NF1: variants seen among roughly 807,000 people sequenced by gnomAD.
The protein encoded by NF1 is neurofibromin 1, also known as neurofibromin.
A neutral mutation model predicts 325.7 loss-of-function variants in NF1; 122 were observed. The observed-to-expected ratio is 0.37, with a 90% confidence interval of 0.32 to 0.44. The LOEUF is 0.44. Among genes scored for constraint, NF1 ranks in the 20% least tolerant of loss-of-function variants. The probability of loss-of-function intolerance (pLI) is 1.00; values close to 1 mark genes in which losing one functional copy is unlikely to be tolerated. For synonymous variants in NF1, 1,091 were observed against 1,186.0 expected (o/e 0.92, Z 1.65); for missense variants, 2,140 against 3,415.4 (o/e 0.63, Z 9.31).
chr17:31,360,442 A>C lies in NF1; in HGVS notation c.8161-45A>C, dbSNP rs17879551. On this transcript the variant is annotated intron_variant, in intron 56 of 57. Transcript: ENST00000358273. ...TATTTTTGGCTTCAGATGGGGATTT[A>C]CTTAAAAAAAAGGAACTAAAATAAT... is the stretch of plus-strand genomic sequence containing the variant. 1,356 of 1,546,772 alleles carry C rather than the reference A, an allele frequency of 8.8e-4. 3 individuals carry two copies. The highest frequency in any genetic ancestry group is 6.1e-3 in the Middle Eastern group (36 of 5,904).
chr17:31,182,524 A>G lies in NF1; in HGVS notation c.747A>G (p.Leu249=), dbSNP rs761964963. The G allele has an allele frequency of 9.3e-6, 15 of 1,614,086 alleles. No homozygotes were observed. The highest frequency in any genetic ancestry group is 2.2e-5 in the South Asian group (2 of 91,064). ...QTDMAECAEK[L]FDLVDGFAES... ...TTCATGCAGAATGTGCAGAAAAGCTATTTGACTTGGTGGATGGTTTTGCTG... is the reference window on the plus strand; with the variant it reads ...TTCATGCAGAATGTGCAGAAAAGCTGTTTGACTTGGTGGATGGTTTTGCTG... The change falls in exon 8 of 58, where the codon CTA becomes CTG. Residue 249 remains leucine, a synonymous_variant. Transcript: ENST00000358273.
At chr17:31,342,984 A>C in intron 47 of NF1, 25 bp from the exon 48 acceptor site, 1 of 1,613,958 alleles carries the variant, frequency 6.2e-7, no homozygotes, top group Middle Eastern at 1.6e-4. Context: ...AACCTCATCA[A>C]CCATCTCATG....
chr17:31,257,879 C>T (rs994349127), intron 31 of NF1, among the ~76,000 whole-genome samples: 2 of 151,774 alleles, frequency 1.3e-5, no homozygotes, highest in Non-Finnish European at 2.9e-5. Flanking sequence ...AACTGGTACA[C>T]AACAAAATGT....
chr17:31,141,615 G>A (rs1365502850), intron 1 of NF1, among the ~76,000 whole-genome samples: 1 of 152,090 alleles, frequency 6.6e-6, no homozygotes, highest in Non-Finnish European at 1.5e-5. Context: ...ATCTATTGCT[G>A]CAAAACACAT....
Position 31,164,268 on chromosome 17 carries a change from A to G in NF1, c.479+892A>G, listed in dbSNP as rs189957649. 5.1e-4 allele frequency among the ~76,000 whole-genome samples: 78 copies of G among 152,358 alleles called. 2 individuals are homozygous for G. Among genetic ancestry groups the G allele is most frequent in the South Asian group, 2.7e-3 (13 of 4,832 alleles). On this transcript the variant is annotated intron_variant, in intron 4 of 57. Transcript: ENST00000358273. ...TACTTCTGTTTTTAAAGATGTATCA[A>G]AAATATAATTTAAGCTTTTATTGAT...
intron 36 of NF1, among the ~76,000 whole-genome samples, chr17:31,267,775 A>G (rs1486126430): frequency 2.0e-5 from 3 of 151,882 alleles, no homozygotes; most frequent in South Asian, 2.1e-4. Flanking sequence ...CTTCAAATCA[A>G]CCTCCTCTTC....
intron 4 of NF1, among the ~76,000 whole-genome samples, chr17:31,165,880 C>T (rs955228307): frequency 2.1e-4 from 32 of 151,824 alleles, no homozygotes; most frequent in Admixed American, 2.0e-4. Context: ...TTTGTAGAGA[C>T]GGGGTCTTGC....
intron 1 of NF1, among the ~76,000 whole-genome samples, chr17:31,140,876 C>T (rs968884890): frequency 2.6e-5 from 4 of 152,100 alleles, no homozygotes; most frequent in Admixed American, 1.3e-4. Flanking sequence ...TATAATCTCA[C>T]TTATATGTGG....
chr17:31,201,631 C>T (rs1419833382), intron 11 of NF1, 146 bp downstream of exon 11: 1 of 663,112 alleles, frequency 1.5e-6, no homozygotes, highest in Non-Finnish European at 2.7e-6. Context: ...CATGGTGATT[C>T]TATTTGATAA....
chr17:31,288,861 C>G (rs1159255219), intron 36 of NF1, among the ~76,000 whole-genome samples: 1 of 152,072 alleles, frequency 6.6e-6, no homozygotes, highest in Non-Finnish European at 1.5e-5. Flanking sequence ...TAGTAGTAGC[C>G]TAGCCAAATC....
chr17:31,235,569 A>T (rs2151437591), intron 27 of NF1, 42 bp from the exon 28 acceptor site: 1 of 1,611,840 alleles, frequency 6.2e-7, no homozygotes, highest in South Asian at 1.1e-5. Flanking sequence ...TAAGAATAAA[A>T]ATGGGATTGT....
intron 1 of NF1, among the ~76,000 whole-genome samples, chr17:31,122,217 AG>A (rs1239910493): frequency 6.6e-6 from 1 of 152,178 alleles, no homozygotes; most frequent in Non-Finnish European, 1.5e-5. Context: ...ATAGGAAATT[AG>A]GGGCAACCTT....
At chr17:31,352,486 A>G in intron 51 of NF1, 72 bp downstream of exon 51, 1 of 1,383,688 alleles carries the variant, frequency 7.2e-7, no homozygotes, top group South Asian at 1.5e-5. Context: ...TTGGAAAATT[A>G]TTTGAAATTT....
At chr17:31,183,021 A>G in intron 8 of NF1, 2 of 535,570 alleles carry the variant, frequency 3.7e-6, no homozygotes, top group Non-Finnish European at 3.3e-6. Context: ...TGTTATTTGC[A>G]TGTACTTAGG....
chr17:31,305,679 G>A, intron 36 of NF1: 1 of 1,497,858 alleles, frequency 6.7e-7, no homozygotes, highest in South Asian at 1.3e-5. Context: ...CGTCATTGGT[G>A]TCTAGTTAAA....
intron 1 of NF1, among the ~76,000 whole-genome samples, chr17:31,125,461 AT>A (rs1309541308): frequency 1.1e-4 from 16 of 152,080 alleles, no homozygotes; most frequent in African/African-American, 3.9e-4. Flanking sequence ...TGGGAGCAGA[AT>A]TTTTCATTTT....
chr17:31,182,536 G>T lies in NF1; in HGVS notation c.759G>T (p.Val253=), dbSNP rs772300154. ...AECAEKLFDL[V]DGFAESTKRK... is the part of the protein sequence containing the mutation. ...GTGCAGAAAAGCTATTTGACTTGGT[G>T]GATGGTTTTGCTGAAAGCACCAAAC... is the stretch of plus-strand genomic sequence containing the variant. Residue 253 remains valine (V), a synonymous_variant, in exon 8 of 58, where the codon GTG becomes GTT. Coordinates refer to ENST00000358273, the MANE Select transcript of NF1 (RefSeq NM_001042492.3). The T allele has an allele frequency of 1.2e-6, 2 of 1,614,028 alleles. No individual in the cohort carries two copies. The highest frequency in any genetic ancestry group is 1.7e-6 in the Non-Finnish European group (2 of 1,179,942).
chr17:31,357,132 T>C (rs2151582717), intron 53 of NF1, 42 bp downstream of exon 53: 1 of 1,611,972 alleles, frequency 6.2e-7, no homozygotes, highest in Non-Finnish European at 8.5e-7. Flanking sequence ...CTCAAATTTT[T>C]ATTCCAGTCT....
At position 31,336,764 on chromosome 17, in the gene NF1, T is replaced by G; in HGVS notation, c.6277T>G (p.Ser2093Ala). Residue 2093 changes from serine to alanine, a missense_variant, in exon 42 of 58, where the codon TCC (serine) becomes GCC (alanine). Physicochemically the swap from Ser to Ala is moderately conservative, Grantham distance 99. Around this residue, in one of 10 missense-constraint regions of NF1, gnomAD observed 180 missense variants for 435.1 expected, o/e 0.41. Coordinates refer to ENST00000358273, the MANE Select transcript of NF1 (RefSeq NM_001042492.3). The surrounding 1 kb of genome is among the most constrained non-coding windows in gnomAD (Gnocchi z 5.5). ...CATGCTGATGCTGTCCTTCAACAAT[T>G]CCCTTGATGTGGCAGCTCATCTTCC... The part of the protein sequence containing the change: ...RYMLMLSFNN[S>A]LDVAAHLPYL... The G allele has an allele frequency of 6.2e-7, 1 of 1,614,136 alleles. No individual in the cohort carries two copies. Among genetic ancestry groups the G allele is most frequent in the Non-Finnish European group, 8.5e-7 (1 of 1,180,028 alleles).
Sources: gnomAD v4.1 joint callset for allele counts (sites outside exome capture counted in the v4.1 genomes callset) on GRCh38, gnomAD v4.1.1 for gene constraint, gnomAD v4.1.1 regional missense constraint, Gnocchi (gnomAD v3.1) non-coding constraint, MANE v1.5 for transcripts, NCBI Gene and HGNC (gene_info 2026-07-23, HGNC 2026-07-21) for gene names.